Variants in RNF213 observed in about 807,000 individuals in gnomAD.
RNF213 encodes E3 ubiquitin-protein ligase RNF213.
RNF213 carries 341 observed loss-of-function variants against 514.4 expected under a neutral mutation model. That is an observed-to-expected ratio of 0.66 (90% CI 0.61 to 0.73). The LOEUF (loss-of-function observed/expected upper bound fraction) is 0.73, where lower values mean the gene tolerates loss of function less well. Among genes scored for constraint, RNF213 ranks in the 30% least tolerant of loss-of-function variants. The pLI is 0.00. For missense variants in RNF213, 5,767 were observed against 6,615.6 expected (o/e 0.87, Z 4.45); for synonymous variants, 2,655 against 2,658.2 (o/e 1.00, Z 0.04).
rs376153598 is a variant in RNF213, at chr17:80,386,842, G to A, written c.14873G>A (p.Arg4958Gln). ...VQEFDLEKIQ[R>Q]QIVSRFLQGK... ...GAGTTCGATCTGGAGAAGATTCAGC[G>A]GCAGATCGTCAGCCGCTTCCTCCAG... The change falls in exon 63 of 68, where the codon CGG becomes CAG. Residue 4958 changes from arginine (R) to glutamine (Q), a missense_variant. Arg to Gln is a conservative substitution (Grantham distance 43). Coordinates refer to ENST00000582970, the MANE Select transcript of RNF213 (RefSeq NM_001256071.3). 1.1e-5 allele frequency: 17 copies of A among 1,613,994 alleles called. No homozygotes were observed. The highest frequency in any genetic ancestry group is 9.3e-5 in the African/African-American group (7 of 74,930).
intron 60 of RNF213, 132 bp from the exon 61 acceptor site, chr17:80,385,406 C>G: frequency 1.1e-6 from 1 of 912,640 alleles, no homozygotes; most frequent in Non-Finnish European, 1.8e-6. Flanking sequence ...CTCCTTCAAA[C>G]AGCACCTCAG....
chr17:80,312,429 T>C (rs1237366188), intron 14 of RNF213, among the ~76,000 whole-genome samples: 1 of 150,552 alleles, frequency 6.6e-6, no homozygotes, highest in Non-Finnish European at 1.5e-5. Context: ...GACCCAGGTT[T>C]ACCTCCGGGT....
intron 49 of RNF213, among the ~76,000 whole-genome samples, chr17:80,373,671 C>G (rs1472998225): frequency 6.6e-6 from 1 of 152,070 alleles, no homozygotes; most frequent in Non-Finnish European, 1.5e-5. Context: ...CAGGCAAGAG[C>G]AAGAACTAGG....
Position 80,332,605 on chromosome 17 carries a change from A to T in RNF213, c.4117A>T (p.Ser1373Cys). The T allele has an allele frequency of 6.6e-7, 1 of 1,512,708 alleles. No individual in the cohort carries two copies. Among genetic ancestry groups the T allele is most frequent in the Admixed American group, 2.1e-5 (1 of 47,502 alleles). 93.7% of individuals were successfully genotyped at this position (1,512,708 alleles called of 1,614,324 possible). ...GAGCCTGGGACTGAACGGTGACTTC[A>T]GTGTTCTCAACACTTTACTAAATTT... ...KESLGLNGDFSVLNTLLNFTD... is the reference protein window; with the variant it reads ...KESLGLNGDFCVLNTLLNFTD... Residue 1373 changes from serine to cysteine, a missense_variant, in exon 21 of 68, where the codon AGT (serine) becomes TGT (cysteine). Ser to Cys is a moderately radical substitution (Grantham distance 112, BLOSUM62 -1). Transcript: ENST00000582970.
rs942875809 is a variant in RNF213, at chr17:80,353,309, G to A, written c.10424-203G>A. ...CCATGGAAGTGAGCACCTAGAACAC[G>A]CCAGAGCCCAGGCTGGAAGGAAGGG... On this transcript the variant is annotated intron_variant, in intron 33 of 67. Coordinates refer to ENST00000582970, the MANE Select transcript of RNF213 (RefSeq NM_001256071.3). This position sits in a 1 kb window ranked among gnomAD's most constrained non-coding sequence, Gnocchi z 5.0. 7.6e-6 allele frequency: 6 copies of A among 786,448 alleles called. No individual in the cohort carries two copies. The highest frequency in any genetic ancestry group is 2.7e-5 in the East Asian group (1 of 37,500). The allele number at this position is 786,448 out of a possible 1,614,324, so 48.7% of individuals were successfully genotyped here.
chr17:80,313,619 T>TGTGGTGGAGGTGATGGTG (rs2045657801), intron 15 of RNF213, among the ~76,000 whole-genome samples: 2 of 45,082 alleles, frequency 4.4e-5, no homozygotes, highest in African/African-American at 1.7e-4. Flanking sequence ...TGATGGTGAT[T>TGTGGTGGAGGTGATGGTG]GTGGTGGAGG....
intron 11 of RNF213, among the ~76,000 whole-genome samples, chr17:80,301,868 A>G (rs899961262): frequency 1.2e-4 from 19 of 152,216 alleles, no homozygotes; most frequent in African/African-American, 4.3e-4. Context: ...TAGCCATAAT[A>G]TGGAATCATC....
intron 55 of RNF213, among the ~76,000 whole-genome samples, chr17:80,380,544 G>A (rs2079950299): frequency 6.6e-6 from 1 of 152,184 alleles, no homozygotes; most frequent in Non-Finnish European, 1.5e-5. Flanking sequence ...GACTTCAGTG[G>A]AAAAGACGGG....
rs1388612307 is a variant in RNF213 at position 80,345,010 on chromosome 17, G to C, written c.6675G>C (p.Gln2225His). ...ACTTTGCTCGGTTCCTGAATTATCA[G>C]CTCAGAGATTGTGAGGCCTCTCTCT... ...LRNFARFLNYQLRDCEASLFC... is the reference protein window; with the variant it reads ...LRNFARFLNYHLRDCEASLFC... The change falls in exon 29 of 68, where the codon CAG becomes CAC. Residue 2225 changes from glutamine to histidine, a missense_variant. Gln to His is a conservative substitution (Grantham distance 24). Coordinates refer to ENST00000582970, the MANE Select transcript of RNF213 (RefSeq NM_001256071.3). The surrounding 1 kb of genome is among the most constrained non-coding windows in gnomAD (Gnocchi z 6.0). The C allele has an allele frequency of 6.2e-7, 1 of 1,614,108 alleles. No individual in the cohort carries two copies. The highest frequency in any genetic ancestry group is 1.3e-5 in the African/African-American group (1 of 75,006).
rs376636445 is a variant in RNF213 at position 80,389,164 on chromosome 17, A to G, written c.15001-9A>G. On this transcript the variant is annotated splice_polypyrimidine_tract_variant and intron_variant, in intron 64 of 67. Coordinates refer to ENST00000582970, the MANE Select transcript of RNF213 (RefSeq NM_001256071.3). ...CACAGACATCCCTCTCCTGCTTTTCATTTCCCAGGACTCCCTCCCCAGCTC... is the reference window on the plus strand; with the variant it reads ...CACAGACATCCCTCTCCTGCTTTTCGTTTCCCAGGACTCCCTCCCCAGCTC... The G allele has an allele frequency of 6.2e-7, 1 of 1,613,584 alleles. No individual in the cohort carries two copies. The highest frequency in any genetic ancestry group is 1.3e-5 in the African/African-American group (1 of 74,890).
At chr17:80,389,145 C>T (rs781551039) in intron 64 of RNF213, 28 bp from the exon 65 acceptor site, 3 of 1,608,756 alleles carry the variant, frequency 1.9e-6, no homozygotes, top group Non-Finnish European at 1.7e-6. Context: ...AGCCCACAGA[C>T]ATCCCTCTCC....
chr17:80,304,512 C>G (rs958483182), intron 11 of RNF213, among the ~76,000 whole-genome samples: 1 of 151,904 alleles, frequency 6.6e-6, no homozygotes, highest in Non-Finnish European at 1.5e-5. Flanking sequence ...TGGTGGCAGG[C>G]GCCTGTAGTC....
At chr17:80,335,947 A>G (rs1187011059) in intron 22 of RNF213, among the ~76,000 whole-genome samples, 1 of 149,298 alleles carries the variant, frequency 6.7e-6, no homozygotes, top group East Asian at 2.0e-4. Context: ...ACTTCACTCC[A>G]GCTTGGGTGA....
In RNF213 at chr17:80,332,549, A is replaced by T. The variant is rs759743347; in HGVS notation, c.4061A>T (p.His1354Leu). The change falls in exon 21 of 68, where the codon CAC becomes CTC. Residue 1354 changes from histidine (H) to leucine (L), a missense_variant. By Grantham distance (99) the His-to-Leu change is moderately conservative. Transcript: ENST00000582970. The stretch of plus-strand genomic sequence containing the variant: ...TACCATCACCTGCACCAGGCTGTCC[A>T]CGCAGCCAAGGTCATCTTGCAGGTC... ...KEYHHLHQAV[H>L]AAKVILQVKE... 3 of 1,536,130 alleles carry T rather than the reference A, an allele frequency of 2.0e-6. No homozygotes were observed. The highest frequency in any genetic ancestry group is 2.4e-5 in the East Asian group (1 of 40,896).
At chr17:80,304,658 A>AT (rs201969235) in intron 11 of RNF213, among the ~76,000 whole-genome samples, 1 of 146,326 alleles carries the variant, frequency 6.8e-6, no homozygotes, top group African/African-American at 2.7e-5. Flanking sequence ...AAATAAATAA[A>AT]TAATAATAAT....
chr17:80,266,435 A>T (rs1010147918), intron 2 of RNF213, among the ~76,000 whole-genome samples: 1 of 151,752 alleles, frequency 6.6e-6, no homozygotes, highest in African/African-American at 2.4e-5. Flanking sequence ...AAAGGAAAAA[A>T]AAAGCCTTAC....
In RNF213 at chr17:80,288,206, A is replaced by C. The variant is rs777735808; in HGVS notation, c.653A>C (p.Gln218Pro). The change falls in exon 4 of 68, where the codon CAG becomes CCG. Residue 218 changes from glutamine (Q) to proline (P), a missense_variant. By Grantham distance (76) the Gln-to-Pro change is moderately conservative. Transcript: ENST00000582970. This position sits in a 1 kb window ranked among gnomAD's most constrained non-coding sequence, Gnocchi z 4.9. ...SIPSGGRGLS[Q>P]EGTGPPTSAG... Reference sequence around the variant, plus strand: ...CCCTCTGGGGGCAGAGGCCTGTCCCAGGAGGGGACCGGTCCCCCCACCTCT... The same window carrying C: ...CCCTCTGGGGGCAGAGGCCTGTCCCCGGAGGGGACCGGTCCCCCCACCTCT... The C allele has an allele frequency of 1.2e-6, 2 of 1,613,068 alleles. No homozygotes were observed. Among genetic ancestry groups the C allele is most frequent in the Non-Finnish European group, 1.7e-6 (2 of 1,179,746 alleles).
chr17:80,281,585 A>C (rs2044294424), intron 3 of RNF213, among the ~76,000 whole-genome samples: 3 of 48,310 alleles, frequency 6.2e-5, no homozygotes, highest in Non-Finnish European at 9.7e-5. Context: ...CACCACTCAC[A>C]CACTGCCAAC....
chr17:80,332,259 G>T lies in RNF213; in HGVS notation c.3771G>T (p.Leu1257=). The change falls in exon 21 of 68, where the codon CTG becomes CTT. Residue 1257 remains leucine (L), a synonymous_variant. Transcript: ENST00000582970. The stretch of plus-strand genomic sequence containing the variant: ...AGGACCAGGAAGCCGCAGAGTTGCT[G>T]AGTGAGCCCGAAGAAGAATCAGAAA... The part of the protein sequence containing the change: ...PKEDQEAAEL[L]SEPEEESERH... 6.5e-7 allele frequency: 1 copy of T among 1,537,234 alleles called. No homozygotes were observed.
Sources: allele counts gnomAD v4.1 joint callset (sites outside exome capture counted in the v4.1 genomes callset), GRCh38; gene constraint gnomAD v4.1.1; non-coding constraint Gnocchi (gnomAD v3.1); transcripts MANE v1.5; gene names NCBI Gene and HGNC (gene_info 2026-07-23, HGNC 2026-07-21).